ABR: variants seen among roughly 807,000 people sequenced by gnomAD.
ABR encodes the protein ABR activator of RhoGEF and GTPase.
ABR carries 35 observed loss-of-function variants against 107.2 expected under a neutral mutation model. The observed-to-expected ratio is 0.33, with a 90% CI of 0.25 to 0.43. The LOEUF is 0.43. Ranked by LOEUF, ABR falls within the 20% of genes least tolerant of loss-of-function variation. ABR has a pLI of 1.00. For missense variants in ABR, 815 were observed against 1,115.2 expected, an observed-to-expected ratio of 0.73 and a Z score of 3.83; for synonymous variants, 498 against 462.0, an observed-to-expected ratio of 1.08 and a Z score of -1.00.
intron 1 of ABR, among the ~76,000 whole-genome samples, chr17:1,158,713 A>C (rs1021165128): frequency 2.0e-5 from 3 of 152,046 alleles, no homozygotes; most frequent in Non-Finnish European, 4.4e-5. Context: ...CAATGAGCCA[A>C]GACCGTGCCA....
chr17:1,019,564 GCT>G (rs75665137), intron 16 of ABR, among the ~76,000 whole-genome samples: 6,788 of 152,336 alleles, frequency 0.045, 241 homozygotes, highest in East Asian at 0.096. Flanking sequence ...TGACAACGAC[GCT>G]CTGTTTCCCA....
chr17:1,012,573 G>A (rs546622015), intron 18 of ABR, 115 bp downstream of exon 18: 478 of 780,192 alleles, frequency 6.1e-4, no homozygotes, highest in African/African-American at 6.0e-3. Flanking sequence ...ACCGCCGAGC[G>A]GGGGGTAACT....
upstream of ABR, among the ~76,000 whole-genome samples, chr17:1,190,031 G>A (rs750816783): frequency 9.9e-5 from 15 of 152,176 alleles, no homozygotes; most frequent in African/African-American, 2.2e-4. Flanking sequence ...GAGACGTCGC[G>A]TCGAGAATGA....
chr17:1,120,736 C>G (rs2039309352), intron 2 of ABR, among the ~76,000 whole-genome samples: 1 of 152,150 alleles, frequency 6.6e-6, no homozygotes, highest in South Asian at 2.1e-4. Context: ...CCTGTGAGGT[C>G]AGGAGGGAGG....
Position 1,200,246 on chromosome 17 carries a change from A to C in ABR, c.838+28547T>G, listed in dbSNP as rs937742802. Among the ~76,000 whole-genome samples the C allele has an allele frequency of 1.3e-5, 2 of 152,132 alleles. No homozygotes were observed. Among genetic ancestry groups the C allele is most frequent in the East Asian group, 3.9e-4 (2 of 5,190 alleles). On this transcript the variant is annotated intron_variant, in intron 1 of 22. Transcript: ENST00000574139. The surrounding 1 kb of genome is among the most constrained non-coding windows in gnomAD (Gnocchi z 4.1). Reference sequence around the variant, plus strand: ...AGGTATTAAAAATAACCTAGAGATAAGTTAAAGTACACGGGGGTCGGGGGC... The same window carrying C: ...AGGTATTAAAAATAACCTAGAGATACGTTAAAGTACACGGGGGTCGGGGGC...
intron 18 of ABR, 194 bp from the exon 19 acceptor site, chr17:1,012,179 G>A: frequency 4.7e-6 from 4 of 858,172 alleles, no homozygotes; most frequent in Non-Finnish European, 7.6e-6. Context: ...CTGCCGAAGG[G>A]GCATCGACGG....
chr17:1,083,588 A>G lies in ABR; in HGVS notation c.571T>C (p.Tyr191His). 1.2e-6 allele frequency: 2 copies of G among 1,610,058 alleles called. No homozygotes were observed. Among genetic ancestry groups the G allele is most frequent in the Non-Finnish European group, 1.7e-6 (2 of 1,177,464 alleles). ...LGVYKAFVDNYKVALETAEKC... is the reference protein window; with the variant it reads ...LGVYKAFVDNHKVALETAEKC... ...TCAGCTGTCTCCAGAGCGACTTTAT[A>G]GTTATCGACAAACGCTTTGTACACA... Residue 191 changes from tyrosine to histidine, a missense_variant, in exon 5 of 23, where the codon TAT (tyrosine) becomes CAT (histidine). Transcript: ENST00000302538.
chr17:1,102,568 T>C (rs2037970484), intron 2 of ABR, among the ~76,000 whole-genome samples: 1 of 152,178 alleles, frequency 6.6e-6, no homozygotes, highest in Non-Finnish European at 1.5e-5. Context: ...AAATATATAA[T>C]GTTTTAAGAG....
intron 21 of ABR, among the ~76,000 whole-genome samples, chr17:1,008,692 C>T (rs772152859): frequency 7.9e-5 from 12 of 152,204 alleles, no homozygotes; most frequent in Admixed American, 3.9e-4. Context: ...CGTGGCTGAG[C>T]TGCAGCGGGG....
At chr17:1,109,122 C>CGGGAGGAGGGAGGA (rs983798909) in intron 2 of ABR, 13 of 1,131,428 alleles carry the variant, frequency 1.1e-5, no homozygotes, top group African/African-American at 1.7e-5. Flanking sequence ...GCAGCGGCGG[C>CGGGAGGAGGGAGGA]GGGAGGAGGG....
intron 12 of ABR, among the ~76,000 whole-genome samples, chr17:1,057,439 G>A (rs886211224): frequency 7.3e-5 from 11 of 151,098 alleles, no homozygotes; most frequent in Non-Finnish European, 1.2e-4. Flanking sequence ...GTGCAGTGCT[G>A]TGATCTCAGC....
chr17:1,112,957 A>G (rs2018133), intron 2 of ABR, among the ~76,000 whole-genome samples: 61,681 of 122,880 alleles, frequency 0.5, 16,134 homozygotes, highest in East Asian at 0.6. Flanking sequence ...TTTGTTAACC[A>G]CCTGACCCAA....
intron 1 of ABR, among the ~76,000 whole-genome samples, chr17:1,162,974 A>G (rs1193657345): frequency 6.6e-6 from 1 of 152,224 alleles, no homozygotes; most frequent in East Asian, 1.9e-4. Context: ...CAGGAGGCTG[A>G]GGCAAAAGAA....
At chr17:1,203,400 C>T (rs867713939) in intron 1 of ABR, among the ~76,000 whole-genome samples, 2 of 21,264 alleles carry the variant, frequency 9.4e-5, no homozygotes. Context: ...GCGGGGCCCG[C>T]GGGGGGCGGA....
rs1246726887 is a variant in ABR at position 1,210,199 on chromosome 17, C to T, written c.838+18594G>A. Among the ~76,000 whole-genome samples, 2 of 152,164 alleles carry T rather than the reference C, an allele frequency of 1.3e-5. No homozygotes were observed. Among genetic ancestry groups the T allele is most frequent in the African/African-American group, 2.4e-5 (1 of 41,448 alleles). ...TGTGTTGGTACTGTGGGGGCTGTCACTTTTTACCTGCGTAGAAAGTTCTGA... is the reference window on the plus strand; with the variant it reads ...TGTGTTGGTACTGTGGGGGCTGTCATTTTTTACCTGCGTAGAAAGTTCTGA... On this transcript the variant is annotated intron_variant, in intron 1 of 22. Coordinates refer to the ABR transcript ENST00000574139. The surrounding 1 kb of genome is among the most constrained non-coding windows in gnomAD (Gnocchi z 5.6).
At chr17:1,192,634 T>C (rs2042459222) in intron 1 of ABR, among the ~76,000 whole-genome samples, 1 of 151,562 alleles carries the variant, frequency 6.6e-6, no homozygotes, top group African/African-American at 2.4e-5. Context: ...AAAAATTAGC[T>C]GGGCATGGTG....
chr17:1,195,875 G>A (rs2042551858), intron 1 of ABR, among the ~76,000 whole-genome samples: 1 of 150,778 alleles, frequency 6.6e-6, no homozygotes. Context: ...GGCAAGTTGG[G>A]ATTGTGGGGA....
In ABR at chr17:1,011,665, C is replaced by A; in HGVS notation, c.2101+181G>T. ...GTGAGTTTCTGCAGTTGCTTACCTG[C>A]AGCAAGGGACAAGAGATTGGAGGGG... is the stretch of plus-strand genomic sequence containing the variant. On this transcript the variant is annotated intron_variant, in intron 19 of 22. Coordinates refer to ENST00000302538, the MANE Select transcript of ABR (RefSeq NM_021962.5). This position sits in a 1 kb window ranked among gnomAD's most constrained non-coding sequence, Gnocchi z 4.8. 1.5e-6 allele frequency: 1 copy of A among 656,340 alleles called. No individual in the cohort carries two copies. The highest frequency in any genetic ancestry group is 3.6e-5 in the Admixed American group (1 of 27,910). The allele number at this position is 656,340 out of a possible 1,614,324, so 40.7% of individuals were successfully genotyped here.
intron 1 of ABR, among the ~76,000 whole-genome samples, chr17:1,222,579 T>C (rs1473201079): frequency 6.6e-6 from 1 of 152,162 alleles, no homozygotes; most frequent in Admixed American, 6.6e-5. Context: ...GTAACATGAC[T>C]ACTTAGTAGG....
Sources: gnomAD v4.1 joint callset for allele counts (sites outside exome capture counted in the v4.1 genomes callset) on GRCh38, gnomAD v4.1.1 for gene constraint, Gnocchi (gnomAD v3.1) non-coding constraint, MANE v1.5 for transcripts, NCBI Gene and HGNC (gene_info 2026-07-23, HGNC 2026-07-21) for gene names.